The following SLC25A48 variants were observed in gnomAD, a reference collection of about 807,000 sequenced individuals.
The protein encoded by SLC25A48 is CTC-321K16.1.
In SLC25A48, 29 loss-of-function variants were observed where a neutral mutation model predicts 32.2. The observed-to-expected ratio is 0.90, with a 90% CI of 0.67 to 1.23. The LOEUF is 1.23. SLC25A48 is among the 50% of genes most tolerant of loss of function. The pLI is 0.00. For missense variants in SLC25A48, 399 were observed against 422.7 expected (o/e 0.94, Z 0.49); for synonymous variants, 164 against 172.3 (o/e 0.95, Z 0.38).
intron 4 of SLC25A48, chr5:135,821,880 C>G (rs1175934124): frequency 6.6e-6 from 1 of 152,240 alleles, no homozygotes; most frequent in Non-Finnish European, 1.5e-5. Context: ...TAGGCTTCAT[C>G]ATGTCACGAT....
intron 3 of SLC25A48, among the ~76,000 whole-genome samples, chr5:135,713,819 C>A (rs1189440693): frequency 1.3e-5 from 2 of 152,206 alleles, no homozygotes; most frequent in Admixed American, 1.3e-4. Context: ...CACAGCCTCA[C>A]CTGGGAGCCT....
At chr5:135,643,900 T>G (rs980198486) in intron 3 of SLC25A48, among the ~76,000 whole-genome samples, 1 of 152,176 alleles carries the variant, frequency 6.6e-6, no homozygotes, top group African/African-American at 2.4e-5. Context: ...ATGAGGAGAT[T>G]AAGGCTTAGA....
At chr5:135,754,518 TTAA>T (rs1232077046) in intron 3 of SLC25A48, among the ~76,000 whole-genome samples, 1 of 151,860 alleles carries the variant, frequency 6.6e-6, no homozygotes. Flanking sequence ...CACTCTGATA[TTAA>T]TAAAGTATCA....
chr5:135,715,715 T>A (rs1009603786), intron 3 of SLC25A48, among the ~76,000 whole-genome samples: 2 of 152,248 alleles, frequency 1.3e-5, no homozygotes, highest in Non-Finnish European at 2.9e-5. Flanking sequence ...GTCAGCTCTA[T>A]GCTAATGCCT....
At chr5:135,752,664 A>AAAATAACAC (rs1481558961) in intron 3 of SLC25A48, among the ~76,000 whole-genome samples, 1 of 152,186 alleles carries the variant, frequency 6.6e-6, no homozygotes, top group Non-Finnish European at 1.5e-5. Context: ...TATGATATGA[A>AAAATAACAC]AAATAACACA....
At chr5:135,856,227 A>C (rs575002371) in intron 4 of SLC25A48, among the ~76,000 whole-genome samples, 1 of 152,172 alleles carries the variant, frequency 6.6e-6, no homozygotes, top group Non-Finnish European at 1.5e-5. Flanking sequence ...GGCTGGACCC[A>C]TAGTCCTTTC....
In SLC25A48 at chr5:135,725,253, C is replaced by T. The variant is rs10515476; in HGVS notation, c.-520-87270C>T. The stretch of plus-strand genomic sequence containing the variant: ...TCTTTATGAAACATCTATCTTAGCA[C>T]GGATCATAAGCTAGTCAACAAGCAA... On this transcript the variant is annotated intron_variant, in intron 3 of 10. Coordinates refer to the SLC25A48 transcript ENST00000646290. Among the ~76,000 whole-genome samples, 365 of 152,114 alleles carry T rather than the reference C, an allele frequency of 2.4e-3. 1 individual carries two copies. The highest frequency in any genetic ancestry group is 7.9e-3 in the African/African-American group (328 of 41,478).
intron 5 of SLC25A48, 104 bp downstream of exon 5, chr5:135,871,822 A>G: frequency 6.4e-7 from 1 of 1,554,306 alleles, no homozygotes; most frequent in South Asian, 1.2e-5. Context: ...GGCAGGACAC[A>G]TTTAGGTACT....
At chr5:135,765,996 C>A (rs114204309) in intron 3 of SLC25A48, among the ~76,000 whole-genome samples, 5 of 123,360 alleles carry the variant, frequency 4.1e-5, no homozygotes, top group Non-Finnish European at 9.9e-5. Flanking sequence ...GTATCCAAGG[C>A]GGGAGAGGGT....
chr5:135,880,146 CTTTTT>C lies in SLC25A48; in HGVS notation c.*7+59_*7+63del. ...AATTGTGCCTCCCAGGAACTTGAAA[CTTTTT>C]TTTTTTTTTATCATGAGAATGTTGT... On this transcript the variant is annotated intron_variant, in intron 7 of 7. Transcript: ENST00000681962. The C allele has an allele frequency of 1.3e-5, 17 of 1,300,372 alleles. No homozygotes were observed. In the South Asian group the frequency reaches 2.2e-4, roughly 17 times the overall value. 80.6% of individuals were successfully genotyped at this position (1,300,372 alleles called of 1,614,324 possible). A position where few individuals can be genotyped will look rare whatever the true frequency, so the allele number is the denominator to read the frequency against.
At chr5:135,798,393 G>A (rs1440556478) in intron 3 of SLC25A48, among the ~76,000 whole-genome samples, 1 of 151,580 alleles carries the variant, frequency 6.6e-6, no homozygotes, top group African/African-American at 2.4e-5. Context: ...CATAGAGATT[G>A]TACAACCCTC....
intron 1 of SLC25A48, among the ~76,000 whole-genome samples, chr5:135,624,592 C>T (rs1752401054): frequency 6.6e-6 from 1 of 152,182 alleles, no homozygotes; most frequent in Admixed American, 6.5e-5. Flanking sequence ...ATGCCTGCCT[C>T]TTGTAAAATG....
intron 3 of SLC25A48, among the ~76,000 whole-genome samples, chr5:135,717,015 T>A (rs1014536613): frequency 6.6e-6 from 1 of 152,218 alleles, no homozygotes; most frequent in African/African-American, 2.4e-5. Context: ...AGCTAAGATT[T>A]TTTTTGCAAC....
chr5:135,880,073 G>T lies in SLC25A48; in HGVS notation c.919G>T (p.Ala307Ser). Residue 307 changes from alanine to serine, a missense_variant, in exon 7 of 8, where the codon GCA (alanine) becomes TCA (serine). Physicochemically the swap from Ala to Ser is moderately conservative, Grantham distance 99. Transcript: ENST00000681962. ...GCTGCAGGCTATCCGCGGGGACCAC[G>T]CAGTGACGAGCCCATAAGCGCCAGG... ...LSLQAIRGDH[A>S]VTSP is the part of the protein sequence containing the mutation. The T allele has an allele frequency of 6.5e-7, 1 of 1,536,040 alleles. No individual in the cohort carries two copies. The highest frequency in any genetic ancestry group is 8.7e-7 in the Non-Finnish European group (1 of 1,146,852).
chr5:135,605,502 TCTCCAG>T (rs1264567000), intron 1 of SLC25A48, among the ~76,000 whole-genome samples: 1 of 152,212 alleles, frequency 6.6e-6, no homozygotes, highest in African/African-American at 2.4e-5. Context: ...TCCTGGGTTG[TCTCCAG>T]CTCCTGCAGA....
At chr5:135,633,248 T>C (rs892269924) in intron 2 of SLC25A48, among the ~76,000 whole-genome samples, 1 of 152,072 alleles carries the variant, frequency 6.6e-6, no homozygotes, top group Admixed American at 6.6e-5. Flanking sequence ...ACTGTGTGCT[T>C]GAGGCATAGT....
At chr5:135,796,954 T>C (rs576509298) in intron 3 of SLC25A48, among the ~76,000 whole-genome samples, 94 of 151,900 alleles carry the variant, frequency 6.2e-4, no homozygotes, top group African/African-American at 2.2e-3. Context: ...AAAAGAATGA[T>C]ATTTCTCCCA....
intron 1 of SLC25A48, among the ~76,000 whole-genome samples, chr5:135,600,740 TG>T (rs1751776035): frequency 6.6e-6 from 1 of 151,980 alleles, no homozygotes; most frequent in Admixed American, 6.6e-5. Context: ...TGGAGTGCAG[TG>T]GTGCAATCTC....
At chr5:135,602,697 T>C (rs1751828434) in intron 1 of SLC25A48, among the ~76,000 whole-genome samples, 1 of 151,880 alleles carries the variant, frequency 6.6e-6, no homozygotes, top group Admixed American at 6.6e-5. Context: ...ATGTGCCATG[T>C]TGGTTTGCTG....
Sources: gnomAD v4.1 joint callset for allele counts (sites outside exome capture counted in the v4.1 genomes callset) on GRCh38, gnomAD v4.1.1 for gene constraint, MANE v1.5 for transcripts, NCBI Gene and HGNC (gene_info 2026-07-23, HGNC 2026-07-21) for gene names.